PCDHGB1: variants seen among roughly 807,000 people sequenced by gnomAD.
PCDHGB1 encodes the protein protocadherin gamma-B1.
Under a neutral mutation model 56.6 loss-of-function variants are expected in PCDHGB1, and 34 were observed. The observed-to-expected ratio is 0.60, with a 90% CI of 0.46 to 0.80. The LOEUF (loss-of-function observed/expected upper bound fraction) is 0.80. PCDHGB1 is among the 30% of genes least tolerant of loss of function. The probability of loss-of-function intolerance (pLI) is 0.00; values close to 1 mark genes in which losing one functional copy is unlikely to be tolerated. For missense variants in PCDHGB1, 1,278 were observed against 1,204.6 expected (o/e 1.06, Z -0.90); for synonymous variants, 561 against 505.9 (o/e 1.11, Z -1.46).
rs1300733532 is a variant in PCDHGB1, at chr5:141,350,265, A to G, written c.5A>G (p.Gln2Arg). The G allele has an allele frequency of 1.3e-6, 2 of 1,510,306 alleles. No homozygotes were observed. Among genetic ancestry groups the G allele is most frequent in the Admixed American group, 2.3e-5 (1 of 43,342 alleles). 93.6% of individuals were successfully genotyped at this position (1,510,306 alleles called of 1,614,324 possible). The change falls in exon 1 of 4, where the codon CAG (glutamine) becomes CGG (arginine). Residue 2 changes from glutamine to arginine, a missense_variant. Transcript: ENST00000523390. Reference protein sequence around the residue: MQRAREAEMMKS... With the variant: MRRAREAEMMKS... Reference sequence around the variant, plus strand: ...GCTCCGCGGAGAGTTCCTGAAATGCAGAGAGCCAGAGAAGCCGAAATGATG... The same window carrying G: ...GCTCCGCGGAGAGTTCCTGAAATGCGGAGAGCCAGAGAAGCCGAAATGATG...
rs1055242827 is a variant in PCDHGB1 at position 141,371,130 on chromosome 5, A to C, written c.2409+18461A>C. 6.8e-6 allele frequency: 11 copies of C among 1,613,896 alleles called. No homozygotes were observed. The South Asian group carries it at 1.2e-4, about 18-fold the overall frequency. Reference sequence around the variant, plus strand: ...TAACCCCCCAGTATTTACTCAGGACATGTACAGGGTCAATGTTGCAGAGAA... The same window carrying C: ...TAACCCCCCAGTATTTACTCAGGACCTGTACAGGGTCAATGTTGCAGAGAA... On this transcript the variant is annotated intron_variant, in intron 1 of 3. Transcript: ENST00000523390.
At chr5:141,458,891 G>A (rs775720263) in intron 1 of PCDHGB1, among the ~76,000 whole-genome samples, 10 of 151,976 alleles carry the variant, frequency 6.6e-5, no homozygotes, top group South Asian at 2.1e-4. Context: ...CACACCATGC[G>A]CAGCTAATTT....
At chr5:141,438,159 T>TA (rs974013542) in intron 1 of PCDHGB1, among the ~76,000 whole-genome samples, 44 of 152,258 alleles carry the variant, frequency 2.9e-4, no homozygotes, top group African/African-American at 9.9e-4. Context: ...ATGGCAAAGC[T>TA]AATTGGAAAA....
chr5:141,365,027 C>T (rs1277837734), intron 1 of PCDHGB1: 1 of 1,613,896 alleles, frequency 6.2e-7, no homozygotes, highest in South Asian at 1.1e-5. Flanking sequence ...TGTTACGGTC[C>T]TCGACGCAAA....
At chr5:141,450,932 C>G (rs868373954) in intron 1 of PCDHGB1, among the ~76,000 whole-genome samples, 1 of 151,134 alleles carries the variant, frequency 6.6e-6, no homozygotes, top group Admixed American at 6.6e-5. Context: ...TCAAGCAATT[C>G]TCCTACCTCA....
In PCDHGB1 at chr5:141,372,278, G is replaced by T. The variant is rs756938433; in HGVS notation, c.2409+19609G>T. The T allele has an allele frequency of 5.6e-6, 9 of 1,613,150 alleles. No individual in the cohort carries two copies. The Admixed American group carries it at 1.5e-4, about 27-fold the overall frequency. On this transcript the variant is annotated intron_variant, in intron 1 of 3. Coordinates refer to ENST00000523390, the MANE Select transcript of PCDHGB1 (RefSeq NM_018922.3). ...GCCTGCGCACGGGTGAGGTGCGCAC[G>T]GCGCGTACCTTGGGCGACAGGGAGG...
chr5:141,429,672 A>G (rs1036863132), intron 1 of PCDHGB1, among the ~76,000 whole-genome samples: 1 of 152,210 alleles, frequency 6.6e-6, no homozygotes, highest in African/African-American at 2.4e-5. Context: ...ATATTATTTT[A>G]TTTTATGCCT....
chr5:141,371,913 G>A lies in PCDHGB1; in HGVS notation c.2409+19244G>A, dbSNP rs569737317. ...GCGGGAGCTGTCGTCCTACGTGTCC[G>A]TGAGCGCGCGGAGCGGGGTGGTGTT... is the stretch of plus-strand genomic sequence containing the variant. On this transcript the variant is annotated intron_variant, in intron 1 of 3. Transcript: ENST00000523390. 28 of 1,613,394 alleles carry A rather than the reference G, an allele frequency of 1.7e-5. No homozygotes were observed. The highest frequency in any genetic ancestry group is 1.6e-4 in the African/African-American group (12 of 75,086).
At chr5:141,414,706 A>G in intron 1 of PCDHGB1, 1 of 1,614,002 alleles carries the variant, frequency 6.2e-7, no homozygotes, top group South Asian at 1.1e-5. Context: ...ATACATATCC[A>G]TCAACTCAGA....
chr5:141,384,492 A>G, intron 1 of PCDHGB1: 1 of 1,614,164 alleles, frequency 6.2e-7, no homozygotes, highest in South Asian at 1.1e-5. Flanking sequence ...TACAACTAAG[A>G]GTGACTGCAC....
At position 141,431,389 on chromosome 5, in the gene PCDHGB1, G is replaced by A; in HGVS notation, c.2410-63418G>A. 2 of 1,613,876 alleles carry A rather than the reference G, an allele frequency of 1.2e-6. No individual in the cohort carries two copies. The highest frequency in any genetic ancestry group is 1.7e-6 in the Non-Finnish European group (2 of 1,180,040). ...GCGAAGAAAAGGCTGCTCACCACCT[G>A]GTCCTTACGGCCTCCGACGGGGGCG... On this transcript the variant is annotated intron_variant, in intron 1 of 3. Coordinates refer to ENST00000523390, the MANE Select transcript of PCDHGB1 (RefSeq NM_018922.3). This position sits in a 1 kb window ranked among gnomAD's most constrained non-coding sequence, Gnocchi z 4.8.
At chr5:141,394,158 C>T in intron 1 of PCDHGB1, 1 of 1,613,844 alleles carries the variant, frequency 6.2e-7, no homozygotes, top group East Asian at 2.2e-5. Flanking sequence ...TAACGACAAC[C>T]CTCCTACTTT....
chr5:141,355,288 C>G lies in PCDHGB1; in HGVS notation c.2409+2619C>G, dbSNP rs73265823. 2,688 of 1,613,834 alleles carry G rather than the reference C, an allele frequency of 1.7e-3. 40 individuals carry two copies. In the African/African-American group the frequency reaches 0.032, roughly 19 times the overall value. On this transcript the variant is annotated intron_variant, in intron 1 of 3. Transcript: ENST00000523390. The stretch of plus-strand genomic sequence containing the variant: ...GGTTCTGGTGGAAATCAGGGCCGAA[C>G]AGATTCTCTACTCGGTGTTTGAGGA...
At chr5:141,423,497 A>G in intron 1 of PCDHGB1, 4 of 1,613,940 alleles carry the variant, frequency 2.5e-6, no homozygotes, top group Non-Finnish European at 3.4e-6. Flanking sequence ...TATTCCCACG[A>G]GGTCTCTCTC....
intron 2 of PCDHGB1, 149 bp from the exon 3 acceptor site, chr5:141,505,244 T>C (rs886952348): frequency 7.0e-7 from 1 of 1,428,216 alleles, no homozygotes; most frequent in Non-Finnish European, 9.4e-7. Context: ...TGAAGGATTG[T>C]AGAAGTGCCT....
At chr5:141,417,693 A>T in intron 1 of PCDHGB1, 1 of 1,091,256 alleles carries the variant, frequency 9.2e-7, no homozygotes, top group Non-Finnish European at 1.3e-6. Context: ...AAAGAAAACC[A>T]GCTCCCACAC....
intron 1 of PCDHGB1, chr5:141,423,752 G>T: frequency 6.2e-6 from 4 of 644,948 alleles, no homozygotes; most frequent in Non-Finnish European, 7.8e-6. Context: ...AAACTGTTTG[G>T]GGGGGGGGTG....
chr5:141,405,514 A>C, intron 1 of PCDHGB1: 1 of 704,834 alleles, frequency 1.4e-6, no homozygotes, highest in Non-Finnish European at 2.3e-6. Context: ...CCGCCTCCCA[A>C]ATTCAAGCGA....
chr5:141,418,273 A>C, intron 1 of PCDHGB1: 1 of 1,614,082 alleles, frequency 6.2e-7, no homozygotes, highest in South Asian at 1.1e-5. Context: ...AAGATGAAAT[A>C]AACTTAGAAA....
Sources: allele counts gnomAD v4.1 joint callset (sites outside exome capture counted in the v4.1 genomes callset), GRCh38; gene constraint gnomAD v4.1.1; non-coding constraint Gnocchi (gnomAD v3.1); transcripts MANE v1.5; gene names NCBI Gene and HGNC (gene_info 2026-07-23, HGNC 2026-07-21).